FHIT: variants seen among roughly 807,000 people sequenced by gnomAD.
FHIT encodes bis(5'-adenosyl)-triphosphatase.
FHIT carries 19 observed loss-of-function variants against 17.9 expected under a neutral mutation model. The observed-to-expected ratio is 1.06, with a 90% CI of 0.74 to 1.56. The LOEUF is 1.56. Ranked by LOEUF, FHIT falls within the 40% of genes most tolerant of loss-of-function variation. FHIT has a pLI of 0.00. For synonymous variants in FHIT, 81 were observed against 69.7 expected, an observed-to-expected ratio of 1.16 and a Z score of -0.81; for missense variants, 248 against 189.2, an observed-to-expected ratio of 1.31 and a Z score of -1.82.
chr3:60,684,258 G>T (rs925406719), intron 4 of FHIT, among the ~76,000 whole-genome samples: 1 of 151,968 alleles, frequency 6.6e-6, no homozygotes, highest in African/African-American at 2.4e-5. Flanking sequence ...TAGCATTTAG[G>T]TCTCCCAAAA....
chr3:60,338,052 T>C (rs1260021035), intron 5 of FHIT, among the ~76,000 whole-genome samples: 1 of 152,174 alleles, frequency 6.6e-6, no homozygotes. Flanking sequence ...TTCCCATTTA[T>C]GTAGAGACCT....
At position 60,145,826 on chromosome 3, in the gene FHIT, C is replaced by T. The variant is rs999599064; in HGVS notation, c.104-131674G>A. ...TTTTCCCTCAAAGATTATTCATCTT[C>T]GACAGTCACCACTGCTTCACAAAAC... On this transcript the variant is annotated intron_variant, in intron 5 of 9. Transcript: ENST00000492590. Among the ~76,000 whole-genome samples, 8 of 152,254 alleles carry T rather than the reference C, an allele frequency of 5.3e-5. No individual in the cohort carries two copies. The East Asian group carries it at 5.8e-4, about 11-fold the overall frequency.
intron 5 of FHIT, among the ~76,000 whole-genome samples, chr3:60,121,039 T>C (rs1705222767): frequency 2.0e-5 from 3 of 152,250 alleles, no homozygotes; most frequent in Admixed American, 6.5e-5. Context: ...CCTCAAAAGA[T>C]AATTAAAGAA....
Position 60,694,799 on chromosome 3 carries a change from CA to C in FHIT, c.-18+127119del, listed in dbSNP as rs376135604. On this transcript the variant is annotated intron_variant, in intron 4 of 9. Coordinates refer to ENST00000492590, the MANE Select transcript of FHIT (RefSeq NM_002012.4). ...TGAAGCTGGAAACCATCATTCTCAG[CA>C]AACTATGGCAAGGACAAAAAACCAA... Among the ~76,000 whole-genome samples, 30 of 152,148 alleles carry C rather than the reference CA, an allele frequency of 2.0e-4. 1 individual carries two copies. The South Asian group carries it at 5.8e-3, about 30-fold the overall frequency.
intron 2 of FHIT, among the ~76,000 whole-genome samples, chr3:61,156,615 C>T (rs896575452): frequency 5.3e-5 from 8 of 152,122 alleles, no homozygotes; most frequent in African/African-American, 1.9e-4. Flanking sequence ...TACCATACCC[C>T]TCCTCCAAGT....
intron 5 of FHIT, among the ~76,000 whole-genome samples, chr3:60,390,740 CAAAATCTAATATTTAAAAATAAA>C (rs998235555): frequency 1.3e-5 from 2 of 151,280 alleles, no homozygotes; most frequent in African/African-American, 2.4e-5. Flanking sequence ...AGAAAAAAAA[CAAAATCTAATATTTAAAAATAAA>C]AAAATACACT....
chr3:59,887,517 T>C (rs888701009), intron 8 of FHIT, among the ~76,000 whole-genome samples: 2 of 152,148 alleles, frequency 1.3e-5, no homozygotes, highest in South Asian at 2.1e-4. Context: ...CCTATTATAA[T>C]AACAGATTAA....
intron 1 of FHIT, among the ~76,000 whole-genome samples, chr3:61,211,441 G>A (rs535609778): frequency 2.8e-4 from 43 of 152,316 alleles, no homozygotes; most frequent in Non-Finnish European, 3.2e-4. Flanking sequence ...AGGCAGCAGC[G>A]AGGCTGGGGG....
intron 2 of FHIT, among the ~76,000 whole-genome samples, chr3:61,195,938 A>T (rs925369821): frequency 3.3e-5 from 5 of 152,214 alleles, no homozygotes; most frequent in African/African-American, 1.2e-4. Flanking sequence ...AAGACAAAAA[A>T]TTTTATATTA....
At chr3:60,104,590 G>A (rs1428285468) in intron 5 of FHIT, among the ~76,000 whole-genome samples, 1 of 150,980 alleles carries the variant, frequency 6.6e-6, no homozygotes, top group Non-Finnish European at 1.5e-5. Flanking sequence ...GATACTAGAA[G>A]AACAATCACC....
chr3:60,790,042 A>T (rs76688592), intron 4 of FHIT, among the ~76,000 whole-genome samples: 18,443 of 152,200 alleles, frequency 0.12, 1,539 homozygotes, highest in African/African-American at 0.23. Context: ...ACATATAAAT[A>T]GGCTAATACT....
chr3:61,127,896 T>A lies in FHIT; in HGVS notation c.-164+72721A>T, dbSNP rs548142377. Among the ~76,000 whole-genome samples, 9 of 152,210 alleles carry A rather than the reference T, an allele frequency of 5.9e-5. No homozygotes were observed. The South Asian group carries it at 1.9e-3, about 32-fold the overall frequency. On this transcript the variant is annotated intron_variant, in intron 2 of 9. Transcript: ENST00000492590. The stretch of plus-strand genomic sequence containing the variant: ...AAAAAAAAGAAGAAGAAGAACTTTG[T>A]ATTTCCTACTTTGCTCTACACATCT...
intron 4 of FHIT, among the ~76,000 whole-genome samples, chr3:60,784,385 G>C (rs1700495044): frequency 6.8e-6 from 1 of 147,814 alleles, no homozygotes; most frequent in Admixed American, 6.8e-5. Flanking sequence ...CACCCAGGCT[G>C]GGGTGCAGTG....
intron 1 of FHIT, among the ~76,000 whole-genome samples, chr3:61,226,995 G>T (rs2039987440): frequency 6.6e-6 from 1 of 152,152 alleles, no homozygotes; most frequent in African/African-American, 2.4e-5. Context: ...AAAAAACGAA[G>T]TAGAAGGTAC....
intron 5 of FHIT, among the ~76,000 whole-genome samples, chr3:60,064,921 C>G (rs1484970761): frequency 6.6e-6 from 1 of 152,150 alleles, no homozygotes; most frequent in Non-Finnish European, 1.5e-5. Flanking sequence ...AAGAAATTGA[C>G]ACTTAAAGAT....
chr3:60,947,799 A>C (rs955312432), intron 3 of FHIT, among the ~76,000 whole-genome samples: 10 of 152,224 alleles, frequency 6.6e-5, no homozygotes, highest in African/African-American at 2.2e-4. Context: ...TCAACAGAAG[A>C]ATTCCAACTT....
At chr3:60,470,695 C>T (rs889266026) in intron 5 of FHIT, among the ~76,000 whole-genome samples, 2 of 152,088 alleles carry the variant, frequency 1.3e-5, no homozygotes, top group African/African-American at 2.4e-5. Context: ...CCACTTGATC[C>T]TCTGCCATAC....
intron 4 of FHIT, among the ~76,000 whole-genome samples, chr3:60,798,752 CTTTTTT>C (rs35159710): frequency 4.7e-5 from 5 of 105,438 alleles, no homozygotes; most frequent in Non-Finnish European, 5.5e-5. Context: ...ACTGCAATAG[CTTTTTT>C]TTTTTTTTTT....
At chr3:59,833,826 G>A (rs1399003759) in intron 8 of FHIT, among the ~76,000 whole-genome samples, 1 of 152,144 alleles carries the variant, frequency 6.6e-6, no homozygotes, top group Admixed American at 6.6e-5. Flanking sequence ...CCTCCATGCT[G>A]TTCTTGTGAT....
Sources: gnomAD v4.1 joint callset for allele counts (sites outside exome capture counted in the v4.1 genomes callset) on GRCh38, gnomAD v4.1.1 for gene constraint, MANE v1.5 for transcripts, NCBI Gene and HGNC (gene_info 2026-07-23, HGNC 2026-07-21) for gene names.